DDAH1: variants seen among roughly 807,000 people sequenced by gnomAD.
The protein encoded by DDAH1 is dimethylarginine dimethylaminohydrolase 1.
Under a neutral mutation model 28.8 loss-of-function variants are expected in DDAH1, and 19 were observed. The observed-to-expected ratio is 0.66, with a 90% CI of 0.46 to 0.97. DDAH1 has a LOEUF of 0.97. Ranked by LOEUF, DDAH1 falls within the 50% of genes least tolerant of loss-of-function variation. The pLI, the probability that DDAH1 is intolerant of heterozygous loss-of-function variation, is 0.00. For missense variants in DDAH1, 326 were observed against 375.9 expected (o/e 0.87, Z 1.10); for synonymous variants, 153 against 154.4 (o/e 0.99, Z 0.07).
At chr1:85,401,156 A>G (rs1023781991) in intron 1 of DDAH1, among the ~76,000 whole-genome samples, 1 of 152,226 alleles carries the variant, frequency 6.6e-6, no homozygotes, top group African/African-American at 2.4e-5. Context: ...GTGCTGCTCA[A>G]ATGTAGCTTT....
chr1:85,344,360 A>G (rs1415078976), intron 4 of DDAH1, among the ~76,000 whole-genome samples: 2 of 152,230 alleles, frequency 1.3e-5, no homozygotes, highest in Admixed American at 1.3e-4. Flanking sequence ...AAAACAAGAC[A>G]AAACAACAAA....
At chr1:85,325,254 GCCT>G (rs1647299816) in intron 4 of DDAH1, among the ~76,000 whole-genome samples, 1 of 152,164 alleles carries the variant, frequency 6.6e-6, no homozygotes. Context: ...AAGCAGGGCT[GCCT>G]CCTCTATAGG....
In DDAH1 at chr1:85,498,531, T is replaced by G. The variant is rs1352253296; in HGVS notation, c.-122-2250A>C. Among the ~76,000 whole-genome samples, 5 of 152,206 alleles carry G rather than the reference T, an allele frequency of 3.3e-5. No homozygotes were observed. In the East Asian group the frequency reaches 7.7e-4, roughly 23 times the overall value. On this transcript the variant is annotated intron_variant, in intron 1 of 6. Coordinates refer to the DDAH1 transcript ENST00000426972. ...GATGTGAAATCATAGTAGATTCTGC[T>G]AAGCTAAGGATGCACATTTCAGTCC...
chr1:85,444,199 A>G (rs867841406), intron 1 of DDAH1, among the ~76,000 whole-genome samples: 25 of 152,192 alleles, frequency 1.6e-4, no homozygotes, highest in South Asian at 1.5e-3. Flanking sequence ...ATCAATACCT[A>G]ATTTATTGAG....
chr1:85,325,793 A>G (rs920258320), intron 4 of DDAH1, among the ~76,000 whole-genome samples: 3 of 152,162 alleles, frequency 2.0e-5, no homozygotes, highest in African/African-American at 7.2e-5. Context: ...TCCCCCTAAC[A>G]ACAAGAATAT....
intron 1 of DDAH1, among the ~76,000 whole-genome samples, chr1:85,557,530 C>T (rs1570673266): frequency 6.6e-6 from 1 of 152,258 alleles, no homozygotes; most frequent in Admixed American, 6.5e-5. Context: ...CTTTTGGATT[C>T]AAAACCTATG....
intron 1 of DDAH1, among the ~76,000 whole-genome samples, chr1:85,546,479 T>A (rs1321589465): frequency 6.6e-6 from 1 of 152,160 alleles, no homozygotes; most frequent in Non-Finnish European, 1.5e-5. Context: ...CAGCACAAAA[T>A]GAACTAAGAC....
intron 4 of DDAH1, among the ~76,000 whole-genome samples, chr1:85,335,438 T>C (rs967278537): frequency 2.0e-5 from 3 of 151,892 alleles, no homozygotes; most frequent in South Asian, 2.1e-4. Context: ...ACTTCACCTA[T>C]AAAAAGACAA....
At chr1:85,354,796 T>C (rs925702366) in intron 2 of DDAH1, among the ~76,000 whole-genome samples, 5 of 151,908 alleles carry the variant, frequency 3.3e-5, no homozygotes, top group Non-Finnish European at 7.4e-5. Context: ...AAAGTAGTAC[T>C]TGGAGGCCAA....
At chr1:85,341,598 A>G (rs1404158985) in intron 4 of DDAH1, among the ~76,000 whole-genome samples, 1 of 152,156 alleles carries the variant, frequency 6.6e-6, no homozygotes, top group Non-Finnish European at 1.5e-5. Context: ...GTGGATCACG[A>G]GGTCAGGAGA....
At chr1:85,426,921 C>CAAAAAAAAAAAAAAAAAAA (rs10680800) in intron 1 of DDAH1, among the ~76,000 whole-genome samples, 1 of 120,430 alleles carries the variant, frequency 8.3e-6, no homozygotes, top group African/African-American at 3.1e-5. Flanking sequence ...TTAAAAAAAA[C>CAAAAAAAAAAAAAAAAAAA]AAAAAAAAAA....
intron 4 of DDAH1, among the ~76,000 whole-genome samples, chr1:85,328,700 A>G (rs913583893): frequency 6.6e-6 from 1 of 152,238 alleles, no homozygotes; most frequent in Admixed American, 6.5e-5. Flanking sequence ...GTAGGACCCC[A>G]GTGGTTTGAG....
At chr1:85,530,254 T>C (rs1370349362) in intron 1 of DDAH1, among the ~76,000 whole-genome samples, 1 of 152,218 alleles carries the variant, frequency 6.6e-6, no homozygotes, top group Non-Finnish European at 1.5e-5. Context: ...AGGTACAAAC[T>C]GGGAGAATCC....
chr1:85,459,776 G>C (rs1655049645), intron 1 of DDAH1, among the ~76,000 whole-genome samples: 1 of 152,160 alleles, frequency 6.6e-6, no homozygotes, highest in South Asian at 2.1e-4. Flanking sequence ...AGGCCATTTA[G>C]GGGGTTATAT....
chr1:85,346,659 ACT>A (rs1648865338), intron 4 of DDAH1, among the ~76,000 whole-genome samples: 1 of 152,150 alleles, frequency 6.6e-6, no homozygotes, highest in South Asian at 2.1e-4. Flanking sequence ...CACTTTTATC[ACT>A]TATAAGTGAT....
chr1:85,492,213 G>C lies in DDAH1; in HGVS notation c.-7+3953C>G, dbSNP rs1656430141. Among the ~76,000 whole-genome samples the C allele has an allele frequency of 3.9e-5, 6 of 152,190 alleles. No individual in the cohort carries two copies. In the South Asian group the frequency reaches 1.2e-3, roughly 32 times the overall value. On this transcript the variant is annotated intron_variant, in intron 2 of 6. Coordinates refer to the DDAH1 transcript ENST00000426972. ...CTATGATGTCCTACTTATTCAAAAA[G>C]CTTTTGTGTGTGTAATAAGATAATG...
intron 1 of DDAH1, among the ~76,000 whole-genome samples, chr1:85,548,961 C>G (rs1054653210): frequency 6.6e-6 from 1 of 152,136 alleles, no homozygotes; most frequent in Non-Finnish European, 1.5e-5. Flanking sequence ...CTGAAAATAT[C>G]TGGGCATCGA....
At chr1:85,509,528 A>G (rs1657149240) in intron 1 of DDAH1, among the ~76,000 whole-genome samples, 1 of 152,232 alleles carries the variant, frequency 6.6e-6, no homozygotes, top group African/African-American at 2.4e-5. Flanking sequence ...GGCCAGTAAT[A>G]ACAAACTTCT....
At chr1:85,402,241 T>A (rs1652150818) in intron 1 of DDAH1, among the ~76,000 whole-genome samples, 1 of 149,496 alleles carries the variant, frequency 6.7e-6, no homozygotes, top group South Asian at 2.1e-4. Context: ...GCCTCAGTGA[T>A]CCTCCTGCCT....
Sources: allele counts gnomAD v4.1 joint callset (sites outside exome capture counted in the v4.1 genomes callset), GRCh38; gene constraint gnomAD v4.1.1; transcripts MANE v1.5; gene names NCBI Gene and HGNC (gene_info 2026-07-23, HGNC 2026-07-21).